PIM1: variants seen among roughly 807,000 people sequenced by gnomAD.
PIM1 encodes the protein Pim-1 proto-oncogene, serine/threonine kinase, also known as serine/threonine-protein kinase pim-1.
A neutral mutation model predicts 34.5 loss-of-function variants in PIM1; 9 were observed. The ratio of observed to expected loss-of-function variants is 0.26; its 90% CI spans 0.16 to 0.46. PIM1 has a LOEUF of 0.46. Ranked by LOEUF, PIM1 falls within the 20% of genes least tolerant of loss-of-function variation. PIM1 has a pLI of 1.00. For synonymous variants in PIM1, 199 were observed against 175.2 expected, an observed-to-expected ratio of 1.14 and a Z score of -1.07; for missense variants, 274 against 410.9, an observed-to-expected ratio of 0.67 and a Z score of 2.88.
At position 37,172,762 on chromosome 6, in the gene PIM1, G is replaced by T. The variant is rs1435985854; in HGVS notation, c.608-234G>T. On this transcript the variant is annotated intron_variant, in intron 4 of 5. Transcript: ENST00000373509. ...TTTGTTTCTTGGAGCAGTTCATAAA[G>T]AATTTCAGTTTATGGTTTGGGCTAG... 2.4e-5 allele frequency: 16 copies of T among 657,866 alleles called. 1 individual carries two copies. The highest frequency in any genetic ancestry group is 7.1e-5 in the African/African-American group (4 of 56,642). The allele number at this position is 657,866 out of a possible 1,614,324, so 40.8% of individuals were successfully genotyped here. A position where few individuals can be genotyped will look rare whatever the true frequency, so the allele number is the denominator to read the frequency against.
intron 4 of PIM1, chr6:37,172,596 C>T (rs1053042760): frequency 2.0e-5 from 9 of 458,120 alleles, no homozygotes; most frequent in African/African-American, 1.8e-4. Context: ...GAATCTCACC[C>T]GGGCTCCTGG....
At chr6:37,170,932 C>A in intron 2 of PIM1, 49 bp from the exon 3 acceptor site, 1 of 1,613,466 alleles carries the variant, frequency 6.2e-7, no homozygotes, top group Non-Finnish European at 8.5e-7. Context: ...GGCGCACGGG[C>A]GTGCTTTAGC....
chr6:37,172,048 C>T (rs1442390635), intron 4 of PIM1, among the ~76,000 whole-genome samples: 3 of 151,216 alleles, frequency 2.0e-5, no homozygotes, highest in African/African-American at 7.3e-5. Flanking sequence ...TAAGATCTGT[C>T]GCTGGTTTGA....
chr6:37,173,304 G>A, intron 5 of PIM1, 132 bp downstream of exon 5: 1 of 791,470 alleles, frequency 1.3e-6, no homozygotes, highest in Non-Finnish European at 2.0e-6. Context: ...TAGAATTGTA[G>A]GTGAGTGATT....
chr6:37,173,050 G>T lies in PIM1; in HGVS notation c.662G>T (p.Arg221Met), dbSNP rs1467915137. ...EWIRYHRYHG[R>M]SAAVWSLGIL... Reference sequence around the variant, plus strand: ...ATCCGCTACCATCGCTACCATGGCAGGTCGGCGGCAGTCTGGTCCCTGGGG... The same window carrying T: ...ATCCGCTACCATCGCTACCATGGCATGTCGGCGGCAGTCTGGTCCCTGGGG... Residue 221 changes from arginine to methionine, a missense_variant, in exon 5 of 6, where the codon AGG becomes ATG. This residue lies in a region of PIM1 where 168 missense variants were observed against 299.4 expected (regional missense o/e 0.56). Transcript: ENST00000373509. The T allele has an allele frequency of 6.2e-7, 1 of 1,614,212 alleles. No individual in the cohort carries two copies. Among genetic ancestry groups the T allele is most frequent in the Non-Finnish European group, 8.5e-7 (1 of 1,180,030 alleles).
chr6:37,171,258 C>T lies in PIM1; in HGVS notation c.374C>T (p.Pro125Leu). The T allele has an allele frequency of 6.2e-7, 1 of 1,614,164 alleles. No individual in the cohort carries two copies. The highest frequency in any genetic ancestry group is 8.5e-7 in the Non-Finnish European group (1 of 1,180,046). ...GTCCTGATCCTGGAGAGGCCCGAGC[C>T]GGTGCAAGATCTCTTCGACTTCATC... is the stretch of plus-strand genomic sequence containing the variant. ...SFVLILERPE[P>L]VQDLFDFITE... Residue 125 changes from proline (P) to leucine (L), a missense_variant, in exon 4 of 6, where the codon CCG (proline) becomes CTG (leucine). This residue lies in a region of PIM1 where 168 missense variants were observed against 299.4 expected (regional missense o/e 0.56). Coordinates refer to ENST00000373509, the MANE Select transcript of PIM1 (RefSeq NM_002648.4).
chr6:37,170,816 G>A lies in PIM1; in HGVS notation c.126G>A (p.Pro42=), dbSNP rs753629252. ...EPLESQYQVG[P]LLGSGGFGSV... The stretch of plus-strand genomic sequence containing the variant: ...TGGAGTCGCAGTACCAGGTGGGCCC[G>A]CTACTGGGCAGCGGCGGCTTCGGCT... The change falls in exon 2 of 6, where the codon CCG becomes CCA. Residue 42 remains proline, a synonymous_variant. Coordinates refer to ENST00000373509, the MANE Select transcript of PIM1 (RefSeq NM_002648.4). 10 of 1,613,014 alleles carry A rather than the reference G, an allele frequency of 6.2e-6. No homozygotes were observed. The highest frequency in any genetic ancestry group is 8.5e-6 in the Non-Finnish European group (10 of 1,179,710).
intron 5 of PIM1, 91 bp from the exon 6 acceptor site, chr6:37,173,843 T>C: frequency 3.2e-6 from 4 of 1,242,356 alleles, no homozygotes; most frequent in Middle Eastern, 3.9e-4. Context: ...GACCCCAGAC[T>C]TGTGGGCCTC....
chr6:37,170,368 G>A lies in PIM1; in HGVS notation c.-208G>A, dbSNP rs762963934. ...CAGCGCTGCCCGACCCCGCTGGCGCGCCCTCCCGCCGCCAGTCCCGGCAGC... is the reference window on the plus strand; with the variant it reads ...CAGCGCTGCCCGACCCCGCTGGCGCACCCTCCCGCCGCCAGTCCCGGCAGC... On this transcript the variant is annotated 5_prime_UTR_variant, in exon 1 of 6. Coordinates refer to ENST00000373509, the MANE Select transcript of PIM1 (RefSeq NM_002648.4). 1 of 1,519,398 alleles carries A rather than the reference G, an allele frequency of 6.6e-7. No homozygotes were observed. The highest frequency in any genetic ancestry group is 1.2e-5 in the South Asian group (1 of 82,724). The allele number at this position is 1,519,398 out of a possible 1,614,324, so 94.1% of individuals were successfully genotyped here. A position where few individuals can be genotyped will look rare whatever the true frequency, so the allele number is the denominator to read the frequency against.
At chr6:37,170,915 G>A (rs1349160644) in intron 2 of PIM1, 36 bp downstream of exon 2, 1 of 1,612,266 alleles carries the variant, frequency 6.2e-7, no homozygotes, top group Admixed American at 1.7e-5. Context: ...GGGCGCGCCG[G>A]GCGGGGGGCG....
chr6:37,174,085 C>G lies in PIM1; in HGVS notation c.936C>G (p.Ser312Arg), dbSNP rs773390825. ...TCCACAGCCTGTCGCCGGGGCCCAG[C>G]AAATAGCAGCCTTTCTGGCAGGTCC... is the stretch of plus-strand genomic sequence containing the variant. ...IHLHSLSPGP[S>R]K The change falls in exon 6 of 6, where the codon AGC (serine) becomes AGG (arginine). Residue 312 changes from serine (S) to arginine (R), a missense_variant. By Grantham distance (110) the Ser-to-Arg change is moderately radical (BLOSUM62 -1). Coordinates refer to ENST00000373509, the MANE Select transcript of PIM1 (RefSeq NM_002648.4). 1.2e-6 allele frequency: 2 copies of G among 1,612,288 alleles called. No individual in the cohort carries two copies. The highest frequency in any genetic ancestry group is 8.5e-7 in the Non-Finnish European group (1 of 1,179,182).
chr6:37,174,230 TTC>T lies in PIM1; in HGVS notation c.*140_*141del. The T allele has an allele frequency of 1.2e-6, 1 of 846,450 alleles. No individual in the cohort carries two copies. Among genetic ancestry groups the T allele is most frequent in the East Asian group, 2.7e-5 (1 of 36,880 alleles). 52.4% of individuals were successfully genotyped at this position (846,450 alleles called of 1,614,324 possible). A position where few individuals can be genotyped will look rare whatever the true frequency, so the allele number is the denominator to read the frequency against. On this transcript the variant is annotated 3_prime_UTR_variant, in exon 6 of 6. Coordinates refer to ENST00000373509, the MANE Select transcript of PIM1 (RefSeq NM_002648.4). Reference sequence around the variant, plus strand: ...ATACAGGAACAACATTTACAACTCATTCCAGATCCCAGGCCCCTGGAGGCTGC... The same window carrying T: ...ATACAGGAACAACATTTACAACTCATCAGATCCCAGGCCCCTGGAGGCTGC...
At position 37,175,198 on chromosome 6, in the gene PIM1, G is replaced by C. The variant is rs1431079223; in HGVS notation, c.*1107G>C. 2.1e-5 allele frequency: 5 copies of C among 233,630 alleles called. No homozygotes were observed. The highest frequency in any genetic ancestry group is 4.2e-5 in the Non-Finnish European group (5 of 118,186). The allele number at this position is 233,630 out of a possible 1,614,324, so 14.5% of individuals were successfully genotyped here. A position where few individuals can be genotyped will look rare whatever the true frequency, so the allele number is the denominator to read the frequency against. The stretch of plus-strand genomic sequence containing the variant: ...TGGGGCCCCTCACCTACTTACCCAG[G>C]TGGGTCCCGGCTCTGTGGGTGATGG... On this transcript the variant is annotated 3_prime_UTR_variant, in exon 6 of 6. Coordinates refer to ENST00000373509, the MANE Select transcript of PIM1 (RefSeq NM_002648.4).
intron 5 of PIM1, 143 bp downstream of exon 5, chr6:37,173,315 T>C: frequency 4.1e-6 from 3 of 732,412 alleles, no homozygotes; most frequent in Non-Finnish European, 6.6e-6. Context: ...GTGAGTGATT[T>C]ACACTTGAGC....
At chr6:37,172,890 A>C in intron 4 of PIM1, 106 bp from the exon 5 acceptor site, 1 of 937,140 alleles carries the variant, frequency 1.1e-6, no homozygotes, top group Non-Finnish European at 1.7e-6. Context: ...TCCTGAGAGA[A>C]GGGATTTTTT....
Position 37,174,039 on chromosome 6 carries a change from A to G in PIM1, c.890A>G (p.Gln297Arg). ...TGGATGCAAGATGTTCTCCTGCCCC[A>G]GGAAACTGCTGAGATCCACCTCCAC... ...HPWMQDVLLP[Q>R]ETAEIHLHSL... is the part of the protein sequence containing the mutation. Residue 297 changes from glutamine to arginine, a missense_variant, in exon 6 of 6, where the codon CAG becomes CGG. Around this residue, in one of 2 missense-constraint regions of PIM1, gnomAD observed 168 missense variants for 299.4 expected, o/e 0.56. Coordinates refer to ENST00000373509, the MANE Select transcript of PIM1 (RefSeq NM_002648.4). 6.2e-7 allele frequency: 1 copy of G among 1,614,090 alleles called. No homozygotes were observed. Among genetic ancestry groups the G allele is most frequent in the South Asian group, 1.1e-5 (1 of 91,078 alleles).
chr6:37,171,069 G>A, intron 3 of PIM1, 38 bp downstream of exon 3: 4 of 1,613,892 alleles, frequency 2.5e-6, no homozygotes, highest in Non-Finnish European at 3.4e-6. Flanking sequence ...GGATGAGTGG[G>A]TGGGGTGAGG....
chr6:37,173,826 T>C, intron 5 of PIM1, 108 bp from the exon 6 acceptor site: 1 of 1,002,812 alleles, frequency 1.0e-6, no homozygotes, highest in East Asian at 2.4e-5. Context: ...ATGCTTGGCC[T>C]CCCTGGGACC....
Position 37,174,231 on chromosome 6 carries a change from TC to T in PIM1, c.*142del. 1 of 848,242 alleles carries T rather than the reference TC, an allele frequency of 1.2e-6. No individual in the cohort carries two copies. 52.5% of individuals were successfully genotyped at this position (848,242 alleles called of 1,614,324 possible). A position where few individuals can be genotyped will look rare whatever the true frequency, so the allele number is the denominator to read the frequency against. On this transcript the variant is annotated 3_prime_UTR_variant, in exon 6 of 6. Coordinates refer to ENST00000373509, the MANE Select transcript of PIM1 (RefSeq NM_002648.4). ...TACAGGAACAACATTTACAACTCATTCCAGATCCCAGGCCCCTGGAGGCTGC... is the reference window on the plus strand; with the variant it reads ...TACAGGAACAACATTTACAACTCATTCAGATCCCAGGCCCCTGGAGGCTGC...
Sources: allele counts gnomAD v4.1 joint callset (sites outside exome capture counted in the v4.1 genomes callset), GRCh38; gene constraint gnomAD v4.1.1; regional missense constraint gnomAD v4.1.1; transcripts MANE v1.5; gene names NCBI Gene and HGNC (gene_info 2026-07-23, HGNC 2026-07-21).